The following SMG5 variants were observed in gnomAD, a reference collection of about 807,000 sequenced individuals.
SMG5 encodes the protein SMG5 nonsense mediated mRNA decay factor, also known as nonsense-mediated mRNA decay factor SMG5.
In SMG5, 53 loss-of-function variants were observed where a neutral mutation model predicts 122.9. The ratio of observed to expected loss-of-function variants is 0.43; its 90% CI spans 0.35 to 0.54. SMG5 has a LOEUF of 0.54. Ranked by LOEUF, SMG5 falls within the 20% of genes least tolerant of loss-of-function variation. The pLI is 0.01. For synonymous variants in SMG5, 477 were observed against 490.2 expected (o/e 0.97, Z 0.35); for missense variants, 1,153 against 1,285.6 (o/e 0.90, Z 1.58).
chr1:156,291,254 T>C, the SMG5 span: 2 of 723,852 alleles, frequency 2.8e-6, no homozygotes, highest in Non-Finnish European at 2.4e-6. Flanking sequence ...ACTTTGGCTG[T>C]ATTTGGAAGT....
intron 16 of SMG5, among the ~76,000 whole-genome samples, chr1:156,256,926 CCTT>C (rs1404957183): frequency 7.2e-6 from 1 of 138,054 alleles, no homozygotes; most frequent in Non-Finnish European, 1.6e-5. Flanking sequence ...CTTTTCTTTT[CCTT>C]TTTTTTTTTT....
intron 16 of SMG5, 23 bp downstream of exon 16, chr1:156,258,982 G>A (rs376006243): frequency 2.2e-5 from 35 of 1,613,070 alleles, no homozygotes; most frequent in East Asian, 1.6e-4. Context: ...CAGAGCTGAC[G>A]GGGAGGGGAA....
At chr1:156,265,036 TACACACACACACACACAC>T (rs35457785) in intron 12 of SMG5, among the ~76,000 whole-genome samples, 6 of 122,804 alleles carry the variant, frequency 4.9e-5, no homozygotes, top group Admixed American at 3.4e-4. Context: ...AAAAAAAAAA[TACACACACACACACACAC>T]ACACACACAC....
upstream of SMG5, chr1:156,285,892 G>A (rs763210303): frequency 9.3e-6 from 15 of 1,613,832 alleles, no homozygotes; most frequent in Admixed American, 6.7e-5. Flanking sequence ...ATGCCTTCCT[G>A]CCGTTTGATG....
Position 156,267,608 on chromosome 1 carries a change from G to A in SMG5, c.979C>T (p.Leu327=). 1 of 1,613,840 alleles carries A rather than the reference G, an allele frequency of 6.2e-7. No individual in the cohort carries two copies. Among genetic ancestry groups the A allele is most frequent in the South Asian group, 1.1e-5 (1 of 91,058 alleles). The change falls in exon 10 of 22, where the codon CTG becomes TTG. Residue 327 remains leucine (L), a synonymous_variant. Transcript: ENST00000361813. ...LEDFNLCLFY[L]PSSPNLSLAS... is the part of the protein sequence containing the mutation. Reference sequence around the variant, plus strand: ...AGGCTGAGGTTGGGTGAGGAGGGCAGGTAGAAGAGGCAGAGGTTGAAGTCC... The same window carrying A: ...AGGCTGAGGTTGGGTGAGGAGGGCAAGTAGAAGAGGCAGAGGTTGAAGTCC...
chr1:156,266,797 G>T, intron 10 of SMG5, 119 bp from the exon 11 acceptor site: 38 of 993,040 alleles, frequency 3.8e-5, no homozygotes, highest in Non-Finnish European at 4.9e-5. Flanking sequence ...ACTTATCAAA[G>T]ATTCTTTTTT....
At position 156,261,734 on chromosome 1, in the gene SMG5, A is replaced by C. The variant is rs577738314; in HGVS notation, c.2032-326T>G. 3.3e-5 allele frequency among the ~76,000 whole-genome samples: 5 copies of C among 151,930 alleles called. No homozygotes were observed. In the South Asian group the frequency reaches 1.0e-3, roughly 32 times the overall value. On this transcript the variant is annotated intron_variant, in intron 13 of 21. Coordinates refer to ENST00000361813, the MANE Select transcript of SMG5 (RefSeq NM_015327.3). ...GAAACCCCATCCCTACTAAAAATAC[A>C]AAAAAATTAGCCAGGCATGGTGGCA...
intron 6 of SMG5, 120 bp from the exon 7 acceptor site, chr1:156,272,518 C>A: frequency 1.4e-6 from 1 of 737,364 alleles, no homozygotes; most frequent in Admixed American, 2.3e-5. Context: ...GCAGGCAACA[C>A]TGGTTGTCTC....
intron 16 of SMG5, among the ~76,000 whole-genome samples, chr1:156,258,470 G>A (rs1043833960): frequency 6.6e-6 from 1 of 152,228 alleles, no homozygotes; most frequent in Admixed American, 6.5e-5. Flanking sequence ...AGGTCAGTCT[G>A]GGTACAGGTC....
intron 16 of SMG5, 100 bp downstream of exon 16, chr1:156,258,905 C>T: frequency 2.1e-6 from 3 of 1,450,290 alleles, no homozygotes; most frequent in Non-Finnish European, 2.8e-6. Context: ...CTTACTATGT[C>T]CTTCAGGTGG....
chr1:156,260,079 C>T (rs969363714), intron 15 of SMG5, among the ~76,000 whole-genome samples: 11 of 152,270 alleles, frequency 7.2e-5, no homozygotes, highest in Admixed American at 5.2e-4. Context: ...CCTTCCAGCT[C>T]TAACTTTCTA....
chr1:156,280,220 A>G (rs1662869716), intron 1 of SMG5, among the ~76,000 whole-genome samples: 1 of 152,234 alleles, frequency 6.6e-6, no homozygotes, highest in Middle Eastern at 3.2e-3. Context: ...GGTAAAACCC[A>G]GAGGACATCA....
Position 156,274,703 on chromosome 1 carries a change from A to G in SMG5, c.455-17T>C. 6.2e-7 allele frequency: 1 copy of G among 1,608,686 alleles called. No homozygotes were observed. Among genetic ancestry groups the G allele is most frequent in the Non-Finnish European group, 8.5e-7 (1 of 1,175,326 alleles). ...TCTTGCATCCTATGAGACAAAGAGA[A>G]AGAGATTTGTAGGCCCATTCTTCTG... On this transcript the variant is annotated splice_polypyrimidine_tract_variant and intron_variant, in intron 4 of 21. Transcript: ENST00000361813.
the SMG5 span, among the ~76,000 whole-genome samples, chr1:156,288,703 G>A: frequency 6.6e-6 from 1 of 152,164 alleles, no homozygotes; most frequent in Non-Finnish European, 1.5e-5. Flanking sequence ...TTCCTATTGA[G>A]CTAAAATTAG....
In SMG5 at chr1:156,252,931, T is replaced by C; in HGVS notation, c.2650A>G (p.Ile884Val). 1.2e-6 allele frequency: 2 copies of C among 1,607,944 alleles called. No homozygotes were observed. The highest frequency in any genetic ancestry group is 8.5e-7 in the Non-Finnish European group (1 of 1,176,948). ...CCAATGTACTTACCTGTCCTTGGGA[T>C]GATGACAATGAAGCGGCCACTGGTG... ...LATSGRFIVI[I>V]PRTVIDGLDL... Residue 884 changes from isoleucine (I) to valine (V), a missense_variant, in exon 18 of 22, where the codon ATC becomes GTC. Around this residue, in one of 5 missense-constraint regions of SMG5, gnomAD observed 140 missense variants for 227.8 expected, o/e 0.61. Transcript: ENST00000361813.
intron 13 of SMG5, 82 bp downstream of exon 13, chr1:156,263,313 G>A (rs1661944641): frequency 6.8e-7 from 1 of 1,463,786 alleles, no homozygotes; most frequent in African/African-American, 1.4e-5. Context: ...GCCATCAGGG[G>A]GGATCCTCAG....
At chr1:156,261,191 A>G in intron 14 of SMG5, 142 bp downstream of exon 14, 2 of 784,940 alleles carry the variant, frequency 2.5e-6, no homozygotes, top group South Asian at 3.2e-5. Context: ...AGACCACACA[A>G]TGACTGCTGT....
intron 1 of SMG5, among the ~76,000 whole-genome samples, chr1:156,281,882 G>T (rs1169602481): frequency 6.6e-6 from 1 of 152,192 alleles, no homozygotes; most frequent in African/African-American, 2.4e-5. Flanking sequence ...CTTGTGGAGC[G>T]TGGGTGGCAT....
intron 2 of SMG5, 139 bp downstream of exon 2, chr1:156,278,797 G>A: frequency 1.4e-6 from 1 of 690,148 alleles, no homozygotes; most frequent in Non-Finnish European, 2.6e-6. Flanking sequence ...CTCTTAGGAA[G>A]GCCAGAGATT....
Sources: allele counts gnomAD v4.1 joint callset (sites outside exome capture counted in the v4.1 genomes callset), GRCh38; gene constraint gnomAD v4.1.1; regional missense constraint gnomAD v4.1.1; transcripts MANE v1.5; gene names NCBI Gene and HGNC (gene_info 2026-07-23, HGNC 2026-07-21).